Variants in LINGO2 observed in about 807,000 individuals in gnomAD.
LINGO2 encodes leucine-rich repeat and immunoglobulin-like domain-containing nogo receptor-interacting protein 2.
LINGO2 carries 14 observed loss-of-function variants against 30.6 expected under a neutral mutation model. That is an observed-to-expected ratio of 0.46 (90% CI 0.30 to 0.72). The LOEUF (loss-of-function observed/expected upper bound fraction) is 0.72, where lower values mean the gene tolerates loss of function less well. Among genes scored for constraint, LINGO2 ranks in the 30% least tolerant of loss-of-function variants. LINGO2 has a pLI of 0.07. For missense variants in LINGO2, 729 were observed against 751.7 expected, an observed-to-expected ratio of 0.97 and a Z score of 0.35; for synonymous variants, 317 against 288.5, an observed-to-expected ratio of 1.10 and a Z score of -1.00.
chr9:29,146,332 C>T, the LINGO2 span, among the ~76,000 whole-genome samples: 4 of 151,738 alleles, frequency 2.6e-5, no homozygotes, highest in East Asian at 1.9e-4. Flanking sequence ...TCCAGTCTGG[C>T]GACAGAGCAA....
intron 5 of LINGO2, among the ~76,000 whole-genome samples, chr9:28,003,767 C>T (rs1192880430): frequency 1.3e-5 from 2 of 152,162 alleles, no homozygotes; most frequent in Non-Finnish European, 2.9e-5. Context: ...GGAACTTAAT[C>T]CTTGATTATA....
rs531462498 is a variant in LINGO2, at chr9:28,331,849, G to A, written c.-245-36483C>T. Among the ~76,000 whole-genome samples the A allele has an allele frequency of 1.9e-3, 292 of 152,212 alleles. 2 individuals carry two copies. Among genetic ancestry groups the A allele is most frequent in the Non-Finnish European group, 3.5e-3 (235 of 67,990 alleles). On this transcript the variant is annotated intron_variant, in intron 3 of 5. Transcript: ENST00000379992. The stretch of plus-strand genomic sequence containing the variant: ...ACATAAAGGAAAAAGAAACTTTTTT[G>A]GAATTGCTGATCACCTTGCACATGT...
intron 4 of LINGO2, among the ~76,000 whole-genome samples, chr9:28,067,286 A>G (rs1444693009): frequency 6.6e-6 from 1 of 152,218 alleles, no homozygotes; most frequent in East Asian, 1.9e-4. Flanking sequence ...TAAATTGTAC[A>G]TTGAAAATAG....
chr9:28,228,977 A>T (rs1010159084), intron 4 of LINGO2, among the ~76,000 whole-genome samples: 4 of 151,750 alleles, frequency 2.6e-5, no homozygotes, highest in African/African-American at 9.7e-5. Flanking sequence ...CTAGAATGCC[A>T]GGTTGTACTC....
chr9:28,505,565 A>G (rs1228450092), intron 1 of LINGO2, among the ~76,000 whole-genome samples: 1 of 151,968 alleles, frequency 6.6e-6, no homozygotes, highest in African/African-American at 2.4e-5. Flanking sequence ...TTTAAAAGAA[A>G]TAGATCATGA....
chr9:28,941,746 G>T, the LINGO2 span, among the ~76,000 whole-genome samples: 2 of 151,914 alleles, frequency 1.3e-5, no homozygotes. Flanking sequence ...TATAATTTTG[G>T]GGTTACTATA....
chr9:28,617,075 T>C (rs533146620), intron 1 of LINGO2, among the ~76,000 whole-genome samples: 9 of 152,298 alleles, frequency 5.9e-5, no homozygotes, highest in Admixed American at 2.6e-4. Flanking sequence ...TAAATTAGCC[T>C]TGGCATGAAT....
At chr9:29,188,650 CCGGG>C in the LINGO2 span, among the ~76,000 whole-genome samples, 3 of 144,150 alleles carry the variant, frequency 2.1e-5, no homozygotes, top group African/African-American at 7.4e-5. Context: ...GTAGGGGCGG[CCGGG>C]CAGAAGCGCC....
intron 3 of LINGO2, among the ~76,000 whole-genome samples, chr9:28,365,311 G>T (rs1157638349): frequency 6.6e-6 from 1 of 152,082 alleles, no homozygotes; most frequent in Non-Finnish European, 1.5e-5. Flanking sequence ...AATGTCACCT[G>T]GGCCAGATTG....
chr9:28,882,928 A>T, the LINGO2 span, among the ~76,000 whole-genome samples: 25 of 152,352 alleles, frequency 1.6e-4, no homozygotes, highest in East Asian at 2.3e-3. Flanking sequence ...AGTCCCTTAC[A>T]TACACACACA....
rs1053471582 is a variant in LINGO2 at position 28,055,254 on chromosome 9, A to C, written c.-86-42849T>G. On this transcript the variant is annotated intron_variant, in intron 4 of 5. Coordinates refer to ENST00000379992, the Ensembl canonical transcript of LINGO2. The stretch of plus-strand genomic sequence containing the variant: ...ACTTACGAATAAGGTAGAAGCCTCA[A>C]ACTGATTTCCTTTTCCCTGTAGTTG... Among the ~76,000 whole-genome samples, 3 of 152,146 alleles carry C rather than the reference A, an allele frequency of 2.0e-5. No individual in the cohort carries two copies. In the South Asian group the frequency reaches 6.2e-4, roughly 31 times the overall value.
Position 28,302,226 on chromosome 9 carries a change from C to A in LINGO2, c.-245-6860G>T, listed in dbSNP as rs60975878. ...GGCAGACTGTGCCTAAAATGGGAAA[C>A]AAGAAATGATGGAGGGTAAGTGGTC... is the stretch of plus-strand genomic sequence containing the variant. On this transcript the variant is annotated intron_variant, in intron 3 of 5. Coordinates refer to ENST00000379992, the Ensembl canonical transcript of LINGO2. Among the ~76,000 whole-genome samples, 2,457 of 152,214 alleles carry A rather than the reference C, an allele frequency of 0.016. 149 individuals are homozygous for A. In the East Asian group the frequency reaches 0.2, roughly 12 times the overall value.
At chr9:28,632,325 C>T (rs1157983959) in intron 1 of LINGO2, among the ~76,000 whole-genome samples, 1 of 151,906 alleles carries the variant, frequency 6.6e-6, no homozygotes, top group East Asian at 1.9e-4. Flanking sequence ...CACACATATC[C>T]TGTGGGCAGG....
intron 4 of LINGO2, among the ~76,000 whole-genome samples, chr9:28,292,378 C>A (rs1033580369): frequency 6.6e-6 from 1 of 152,164 alleles, no homozygotes; most frequent in Admixed American, 6.6e-5. Flanking sequence ...AGGATTTTCC[C>A]AGTATCTTTC....
At chr9:28,057,553 G>GTATATATATATACATATATATACACA (rs1351459970) in intron 4 of LINGO2, among the ~76,000 whole-genome samples, 7 of 83,656 alleles carry the variant, frequency 8.4e-5, no homozygotes, top group South Asian at 3.7e-4. Context: ...ATGTATATAA[G>GTATATATATATACATATATATACACA]TATATATATA....
the LINGO2 span, among the ~76,000 whole-genome samples, chr9:29,195,174 G>A: frequency 1.3e-5 from 2 of 152,184 alleles, no homozygotes; most frequent in South Asian, 4.1e-4. Context: ...TTCCCTGGAG[G>A]TTCCTATAAA....
chr9:28,881,356 T>C, the LINGO2 span, among the ~76,000 whole-genome samples: 1 of 152,038 alleles, frequency 6.6e-6, no homozygotes, highest in Non-Finnish European at 1.5e-5. Context: ...ACCCCTGACC[T>C]CAAGTGATCC....
intron 5 of LINGO2, among the ~76,000 whole-genome samples, chr9:27,981,270 A>T (rs1409749553): frequency 6.6e-6 from 1 of 151,692 alleles, no homozygotes; most frequent in African/African-American, 2.4e-5. Flanking sequence ...TATCTCACCT[A>T]GTCCTCTTAA....
At chr9:27,994,676 CAG>C (rs1305218770) in intron 5 of LINGO2, among the ~76,000 whole-genome samples, 1 of 152,166 alleles carries the variant, frequency 6.6e-6, no homozygotes, top group Non-Finnish European at 1.5e-5. Flanking sequence ...AGAGATAACA[CAG>C]GAACCATTCA....
Sources: gnomAD v4.1 joint callset for allele counts (sites outside exome capture counted in the v4.1 genomes callset) on GRCh38, gnomAD v4.1.1 for gene constraint, MANE v1.5 for transcripts, NCBI Gene and HGNC (gene_info 2026-07-23, HGNC 2026-07-21) for gene names.